B3GALT1: variants seen among roughly 807,000 people sequenced by gnomAD.
B3GALT1 encodes the protein UDP-Gal:betaGlcNAc beta 1,3-galactosyltransferase, polypeptide 1.
In B3GALT1, 10 loss-of-function variants were observed where a neutral mutation model predicts 23.2. The observed-to-expected ratio is 0.43, with a 90% CI of 0.27 to 0.73. B3GALT1 has a LOEUF of 0.73. Ranked by LOEUF, B3GALT1 falls within the 30% of genes least tolerant of loss-of-function variation. B3GALT1 has a pLI of 0.21. For synonymous variants in B3GALT1, 156 were observed against 141.5 expected, an observed-to-expected ratio of 1.10 and a Z score of -0.73; for missense variants, 299 against 405.4, an observed-to-expected ratio of 0.74 and a Z score of 2.25.
chr2:167,698,094 C>T (rs894055262), intron 3 of B3GALT1, among the ~76,000 whole-genome samples: 1 of 152,102 alleles, frequency 6.6e-6, no homozygotes, highest in Non-Finnish European at 1.5e-5. Context: ...GCTATGGTTT[C>T]TGGGCTGGTC....
At chr2:167,303,719 C>T (rs1003747995) in intron 1 of B3GALT1, among the ~76,000 whole-genome samples, 1 of 151,500 alleles carries the variant, frequency 6.6e-6, no homozygotes, top group Non-Finnish European at 1.5e-5. Flanking sequence ...TACTGGAGAA[C>T]CCTAATACAA....
At chr2:167,489,679 A>C (rs915604222) in intron 1 of B3GALT1, among the ~76,000 whole-genome samples, 1 of 152,032 alleles carries the variant, frequency 6.6e-6, no homozygotes, top group African/African-American at 2.4e-5. Context: ...TTTGGTAGGG[A>C]TTTTTACATT....
chr2:167,336,599 C>T (rs2105243995), intron 1 of B3GALT1, among the ~76,000 whole-genome samples: 1 of 152,258 alleles, frequency 6.6e-6, no homozygotes, highest in Non-Finnish European at 1.5e-5. Flanking sequence ...TAGGTGTCTT[C>T]ATTTCCTGAC....
intron 2 of B3GALT1, among the ~76,000 whole-genome samples, chr2:167,642,488 C>G (rs1389462965): frequency 6.6e-6 from 1 of 152,134 alleles, no homozygotes; most frequent in African/African-American, 2.4e-5. Context: ...GAAGAAAAAT[C>G]ATCTCAAACT....
At chr2:167,664,095 G>A (rs927591981) in intron 3 of B3GALT1, among the ~76,000 whole-genome samples, 2 of 150,882 alleles carry the variant, frequency 1.3e-5, no homozygotes, top group African/African-American at 2.5e-5. Flanking sequence ...ATGGTTTTAG[G>A]TCTAACGTTT....
chr2:167,828,335 G>C (rs572138934), intron 4 of B3GALT1, among the ~76,000 whole-genome samples: 3 of 152,144 alleles, frequency 2.0e-5, no homozygotes, highest in Admixed American at 6.5e-5. Context: ...TCTCAAGCTC[G>C]AGTGAAATAA....
chr2:167,601,898 A>G (rs2105424506), intron 2 of B3GALT1, among the ~76,000 whole-genome samples: 1 of 152,346 alleles, frequency 6.6e-6, no homozygotes, highest in East Asian at 1.9e-4. Flanking sequence ...TCTGTAAATA[A>G]TTGAATACTT....
At chr2:167,778,568 ACTT>A (rs1688200364) in intron 3 of B3GALT1, among the ~76,000 whole-genome samples, 2 of 152,190 alleles carry the variant, frequency 1.3e-5, no homozygotes, top group Non-Finnish European at 2.9e-5. Context: ...GAGACTGCAG[ACTT>A]CTTTCATCAG....
intron 1 of B3GALT1, among the ~76,000 whole-genome samples, chr2:167,379,887 G>A (rs1333672716): frequency 6.6e-6 from 1 of 152,216 alleles, no homozygotes; most frequent in Non-Finnish European, 1.5e-5. Context: ...TCTAACACAG[G>A]AGAATGGGAA....
intron 3 of B3GALT1, among the ~76,000 whole-genome samples, chr2:167,724,071 G>A (rs1462003231): frequency 6.6e-6 from 1 of 152,094 alleles, no homozygotes. Context: ...GGAATATTTG[G>A]CACCAACATC....
At chr2:167,381,138 G>A (rs1386087874) in intron 1 of B3GALT1, among the ~76,000 whole-genome samples, 7 of 152,150 alleles carry the variant, frequency 4.6e-5, no homozygotes, top group Non-Finnish European at 8.8e-5. Context: ...TACAATCATG[G>A]CTCACTGCAG....
At chr2:167,449,395 T>TG (rs1232085396) in intron 1 of B3GALT1, among the ~76,000 whole-genome samples, 1 of 152,192 alleles carries the variant, frequency 6.6e-6, no homozygotes, top group Non-Finnish European at 1.5e-5. Context: ...TTTCTCAGCT[T>TG]GGTCACTGTT....
At chr2:167,616,894 C>T (rs764182976) in intron 2 of B3GALT1, among the ~76,000 whole-genome samples, 1 of 152,036 alleles carries the variant, frequency 6.6e-6, no homozygotes, top group Non-Finnish European at 1.5e-5. Context: ...TTCAGATCTC[C>T]TCTATCTGAG....
At chr2:167,509,635 A>T (rs994096380) in intron 2 of B3GALT1, among the ~76,000 whole-genome samples, 3 of 152,166 alleles carry the variant, frequency 2.0e-5, no homozygotes, top group Admixed American at 2.0e-4. Flanking sequence ...AAATCCAACT[A>T]AAAGCATTAG....
rs1690338697 is a variant in B3GALT1, at chr2:167,871,120, G to GTGAT, written c.*1104_*1107dup. On this transcript the variant is annotated 3_prime_UTR_variant, in exon 5 of 5. Transcript: ENST00000392690. ...TGTTATGAGGTATTCTGGGGGCTCT[G>GTGAT]TGATTGAGGAAGGATGGGGAAGGCC... The GTGAT allele has an allele frequency of 6.6e-6, 1 of 152,064 alleles. No homozygotes were observed. The highest frequency in any genetic ancestry group is 1.5e-5 in the Non-Finnish European group (1 of 68,024). 9.4% of individuals were successfully genotyped at this position (152,064 alleles called of 1,614,324 possible).
chr2:167,489,252 T>G (rs1559111906), intron 1 of B3GALT1, among the ~76,000 whole-genome samples: 1 of 152,136 alleles, frequency 6.6e-6, no homozygotes, highest in South Asian at 2.1e-4. Context: ...ATTGGCGTCC[T>G]TTTTCCAGAA....
At chr2:167,667,776 C>T (rs1460493234) in intron 3 of B3GALT1, among the ~76,000 whole-genome samples, 2 of 152,186 alleles carry the variant, frequency 1.3e-5, no homozygotes, top group Non-Finnish European at 2.9e-5. Context: ...ACGTAGTTCT[C>T]GAGCCTTGGT....
intron 3 of B3GALT1, among the ~76,000 whole-genome samples, chr2:167,744,582 G>A (rs776283682): frequency 4.0e-5 from 6 of 151,356 alleles, no homozygotes; most frequent in Admixed American, 3.3e-4. Context: ...TTTCTTATAG[G>A]CCTATCTCTT....
chr2:167,605,336 T>C (rs2105427389), intron 2 of B3GALT1, among the ~76,000 whole-genome samples: 1 of 152,242 alleles, frequency 6.6e-6, no homozygotes, highest in East Asian at 1.9e-4. Flanking sequence ...ATGTGGATTA[T>C]GTAGGCACAG....
Sources: allele counts gnomAD v4.1 joint callset (sites outside exome capture counted in the v4.1 genomes callset), GRCh38; gene constraint gnomAD v4.1.1; transcripts MANE v1.5; gene names NCBI Gene and HGNC (gene_info 2026-07-23, HGNC 2026-07-21).